Variants in CTDSPL observed in about 807,000 individuals in gnomAD.
The protein encoded by CTDSPL is CTD small phosphatase like, also known as CTD small phosphatase-like protein.
In CTDSPL, 8 loss-of-function variants were observed where a neutral mutation model predicts 30.5. That is an observed-to-expected ratio of 0.26 (90% CI 0.15 to 0.47). CTDSPL has a LOEUF of 0.47. CTDSPL is among the 20% of genes least tolerant of loss of function. The pLI is 0.99. For missense variants in CTDSPL, 248 were observed against 366.1 expected, an observed-to-expected ratio of 0.68 and a Z score of 2.63; for synonymous variants, 110 against 137.9, an observed-to-expected ratio of 0.80 and a Z score of 1.42.
intron 1 of CTDSPL, among the ~76,000 whole-genome samples, chr3:37,925,272 C>A (rs1698768520): frequency 6.6e-6 from 1 of 152,162 alleles, no homozygotes; most frequent in Non-Finnish European, 1.5e-5. Context: ...AGGAGGTACT[C>A]AGGAGACATT....
chr3:37,914,762 A>G (rs1698624496), intron 1 of CTDSPL, among the ~76,000 whole-genome samples: 1 of 151,842 alleles, frequency 6.6e-6, no homozygotes, highest in South Asian at 2.1e-4. Flanking sequence ...CTTTTTGATA[A>G]TGTCCTTGTC....
chr3:37,900,153 TTCATG>T (rs1407308817), intron 1 of CTDSPL, among the ~76,000 whole-genome samples: 1 of 152,204 alleles, frequency 6.6e-6, no homozygotes, highest in African/African-American at 2.4e-5. Context: ...AGGAAGGAAG[TTCATG>T]TCATCGTCAC....
intron 1 of CTDSPL, among the ~76,000 whole-genome samples, chr3:37,920,326 G>T (rs1157017078): frequency 6.6e-6 from 1 of 152,252 alleles, no homozygotes; most frequent in Non-Finnish European, 1.5e-5. Context: ...GTGTGCACCA[G>T]GTCTTGGTGA....
intron 1 of CTDSPL, among the ~76,000 whole-genome samples, chr3:37,883,533 T>C (rs1698231390): frequency 1.3e-5 from 2 of 152,236 alleles, no homozygotes; most frequent in African/African-American, 4.8e-5. Context: ...TTTATCATCA[T>C]GTTCAAAAGA....
intron 1 of CTDSPL, among the ~76,000 whole-genome samples, chr3:37,908,591 A>G (rs1422954304): frequency 1.3e-5 from 2 of 152,200 alleles, no homozygotes; most frequent in Non-Finnish European, 2.9e-5. Flanking sequence ...GCAGAGAGGA[A>G]GGTATCTATG....
chr3:37,913,882 G>A (rs1180568556), intron 1 of CTDSPL, among the ~76,000 whole-genome samples: 3 of 152,096 alleles, frequency 2.0e-5, no homozygotes, highest in Non-Finnish European at 2.9e-5. Flanking sequence ...TTCAGTATCC[G>A]GTGGGACAAG....
chr3:37,927,531 C>T (rs1435205201), intron 1 of CTDSPL, among the ~76,000 whole-genome samples: 1 of 151,694 alleles, frequency 6.6e-6, no homozygotes, highest in African/African-American at 2.4e-5. Flanking sequence ...ATAAGGTTGG[C>T]ATGTGAGCCA....
At chr3:37,879,676 C>T (rs1432025961) in intron 1 of CTDSPL, among the ~76,000 whole-genome samples, 2 of 152,208 alleles carry the variant, frequency 1.3e-5, no homozygotes, top group African/African-American at 4.8e-5. Flanking sequence ...CTTCTCTTGA[C>T]ACCTTCCTGC....
chr3:37,925,432 C>T (rs1311328017), intron 1 of CTDSPL, among the ~76,000 whole-genome samples: 1 of 152,188 alleles, frequency 6.6e-6, no homozygotes, highest in Non-Finnish European at 1.5e-5. Context: ...GTAGCAGTGG[C>T]AGCAGCTACC....
intron 1 of CTDSPL, among the ~76,000 whole-genome samples, chr3:37,907,363 C>T (rs1488700358): frequency 2.0e-5 from 3 of 152,154 alleles, no homozygotes; most frequent in Non-Finnish European, 4.4e-5. Context: ...TTAAAGTTAT[C>T]ACAGAGACTT....
chr3:37,924,188 T>C (rs1310067810), intron 1 of CTDSPL, among the ~76,000 whole-genome samples: 1 of 152,258 alleles, frequency 6.6e-6, no homozygotes, highest in East Asian at 1.9e-4. Flanking sequence ...ACTAAGGCTG[T>C]TAACATTATT....
chr3:37,884,875 GA>G (rs982887802), intron 1 of CTDSPL, among the ~76,000 whole-genome samples: 1 of 151,266 alleles, frequency 6.6e-6, no homozygotes, highest in Non-Finnish European at 1.5e-5. Flanking sequence ...GTGGGGGTGG[GA>G]ATCAGAGTAG....
At chr3:37,920,721 G>A (rs1698702524) in intron 1 of CTDSPL, among the ~76,000 whole-genome samples, 1 of 152,236 alleles carries the variant, frequency 6.6e-6, no homozygotes, top group Non-Finnish European at 1.5e-5. Flanking sequence ...ACAGTGTCTG[G>A]CTTAAGCGCA....
intron 1 of CTDSPL, among the ~76,000 whole-genome samples, chr3:37,901,190 C>A (rs772568273): frequency 6.6e-6 from 1 of 152,194 alleles, no homozygotes; most frequent in Non-Finnish European, 1.5e-5. Context: ...GTGCCTGATG[C>A]TCCCAGCTGG....
chr3:37,866,710 A>C (rs1454459337), intron 1 of CTDSPL, among the ~76,000 whole-genome samples: 1 of 152,226 alleles, frequency 6.6e-6, no homozygotes, highest in Non-Finnish European at 1.5e-5. Context: ...TTGTTTGGGC[A>C]GATATTTTTG....
chr3:37,954,263 T>C (rs1426818593), intron 2 of CTDSPL, among the ~76,000 whole-genome samples: 2 of 152,266 alleles, frequency 1.3e-5, no homozygotes, highest in Non-Finnish European at 2.9e-5. Flanking sequence ...TTCATGAACT[T>C]CCTTCTATTA....
chr3:37,947,864 A>G (rs1411153846), intron 2 of CTDSPL, among the ~76,000 whole-genome samples: 1 of 152,272 alleles, frequency 6.6e-6, no homozygotes, highest in African/African-American at 2.4e-5. Context: ...GTTTAATAAC[A>G]AACATGTTAT....
intron 4 of CTDSPL, among the ~76,000 whole-genome samples, chr3:37,966,339 C>G (rs987685245): frequency 6.6e-6 from 1 of 152,206 alleles, no homozygotes; most frequent in Non-Finnish European, 1.5e-5. Context: ...AGCTGTGAAC[C>G]CTCTTCCCTT....
chr3:37,961,734 T>C (rs1321140150), intron 3 of CTDSPL, among the ~76,000 whole-genome samples: 2 of 152,146 alleles, frequency 1.3e-5, no homozygotes, highest in Non-Finnish European at 2.9e-5. Context: ...CACCTGGAGC[T>C]CTGAGGGCTT....
Sources: gnomAD v4.1 joint callset for allele counts (sites outside exome capture counted in the v4.1 genomes callset) on GRCh38, gnomAD v4.1.1 for gene constraint, MANE v1.5 for transcripts, NCBI Gene and HGNC (gene_info 2026-07-23, HGNC 2026-07-21) for gene names.